Variants in WWTR1 observed in about 807,000 individuals in gnomAD.
WWTR1 encodes the protein WW domain containing transcription regulator 1.
Under a neutral mutation model 40.1 loss-of-function variants are expected in WWTR1, and 13 were observed. The ratio of observed to expected loss-of-function variants is 0.32; its 90% CI spans 0.21 to 0.52. WWTR1 has a LOEUF of 0.52. Among genes scored for constraint, WWTR1 ranks in the 20% least tolerant of loss-of-function variants. WWTR1 has a pLI of 0.97. For synonymous variants in WWTR1, 230 were observed against 210.1 expected, an observed-to-expected ratio of 1.09 and a Z score of -0.82; for missense variants, 436 against 523.1, an observed-to-expected ratio of 0.83 and a Z score of 1.63.
intron 1 of WWTR1, among the ~76,000 whole-genome samples, chr3:149,677,145 A>G (rs1714291632): frequency 6.6e-6 from 1 of 151,912 alleles, no homozygotes; most frequent in Non-Finnish European, 1.5e-5. Flanking sequence ...TGAACTCCTT[A>G]CCTCAGGTCA....
intron 4 of WWTR1, among the ~76,000 whole-genome samples, chr3:149,530,196 T>A (rs9289791): frequency 0.78 from 119,037 of 151,702 alleles, 46,850 homozygotes; most frequent in East Asian, 0.93. Flanking sequence ...AAATACAAAA[T>A]ATTAGCCGGG....
chr3:149,583,760 A>G (rs1738274873), intron 2 of WWTR1, among the ~76,000 whole-genome samples: 1 of 152,184 alleles, frequency 6.6e-6, no homozygotes, highest in Non-Finnish European at 1.5e-5. Context: ...GCATACGGTG[A>G]TGAGTGCCTG....
At chr3:149,619,583 A>ACTG (rs1740172223) in intron 2 of WWTR1, among the ~76,000 whole-genome samples, 1 of 152,166 alleles carries the variant, frequency 6.6e-6, no homozygotes. Context: ...TGATCACACC[A>ACTG]CTGTATTCCA....
chr3:149,666,153 C>G (rs1376032489), intron 2 of WWTR1, among the ~76,000 whole-genome samples: 1 of 152,184 alleles, frequency 6.6e-6, no homozygotes, highest in East Asian at 1.9e-4. Flanking sequence ...AGCCACTGCT[C>G]TTCCTTGTCT....
intron 3 of WWTR1, among the ~76,000 whole-genome samples, chr3:149,563,864 T>C (rs1199199909): frequency 1.3e-5 from 2 of 152,106 alleles, no homozygotes; most frequent in Non-Finnish European, 2.9e-5. Flanking sequence ...CGATTCTCCT[T>C]CCTGAGCCTC....
intron 5 of WWTR1, among the ~76,000 whole-genome samples, chr3:149,527,500 T>G (rs1257325786): frequency 6.6e-6 from 1 of 152,162 alleles, no homozygotes; most frequent in East Asian, 1.9e-4. Flanking sequence ...CATGCTTTTA[T>G]CCCCTGTTGG....
rs75087726 is a variant in WWTR1 at position 149,524,880 on chromosome 3, T to C, written c.1018+1133A>G. 8.8e-3 allele frequency among the ~76,000 whole-genome samples: 1,336 copies of C among 152,342 alleles called. 17 individuals carry two copies. Among genetic ancestry groups the C allele is most frequent in the African/African-American group, 0.03 (1,257 of 41,576 alleles). Reference sequence around the variant, plus strand: ...ACAAAACAATTACTTTCGTCAATGATAATGGAGAAGGAACTTTCATGAATA... The same window carrying C: ...ACAAAACAATTACTTTCGTCAATGACAATGGAGAAGGAACTTTCATGAATA... On this transcript the variant is annotated intron_variant, in intron 6 of 6. Coordinates refer to ENST00000360632, the MANE Select transcript of WWTR1 (RefSeq NM_015472.6).
chr3:149,530,117 G>C (rs1735496519), intron 4 of WWTR1, among the ~76,000 whole-genome samples: 1 of 152,098 alleles, frequency 6.6e-6, no homozygotes, highest in Admixed American at 6.6e-5. Flanking sequence ...GGAGGCTGAG[G>C]CGGGTGGATC....
intron 3 of WWTR1, among the ~76,000 whole-genome samples, chr3:149,568,549 A>C (rs11918403): frequency 0.025 from 1,950 of 76,758 alleles, 31 homozygotes; most frequent in African/African-American, 0.039. Flanking sequence ...AAAAAAAAAA[A>C]AAAAAAAAAA....
At chr3:149,563,957 T>C (rs932356493) in intron 3 of WWTR1, among the ~76,000 whole-genome samples, 2 of 152,200 alleles carry the variant, frequency 1.3e-5, no homozygotes, top group Admixed American at 6.5e-5. Context: ...TTTCGCCATG[T>C]TGGCCAGGCT....
intron 4 of WWTR1, among the ~76,000 whole-genome samples, chr3:149,537,827 C>T (rs1386278885): frequency 1.3e-5 from 2 of 152,202 alleles, no homozygotes; most frequent in South Asian, 2.1e-4. Flanking sequence ...TGGAATCATA[C>T]AGGATGTAGT....
At chr3:149,712,422 T>C (rs375377051) in intron 5 of WWTR1, among the ~76,000 whole-genome samples, 3 of 152,246 alleles carry the variant, frequency 2.0e-5, no homozygotes, top group Admixed American at 1.3e-4. Flanking sequence ...ATTTTTTCTA[T>C]AGCTGTGGCT....
At chr3:149,540,259 C>T (rs1447098520) in intron 4 of WWTR1, 1 of 456,560 alleles carries the variant, frequency 2.2e-6, no homozygotes, top group Non-Finnish European at 4.4e-6. Flanking sequence ...CTCCAAGGAT[C>T]AGCATTTAAG....
intron 4 of WWTR1, among the ~76,000 whole-genome samples, chr3:149,535,849 C>T (rs1735807536): frequency 6.6e-6 from 1 of 152,074 alleles, no homozygotes; most frequent in Non-Finnish European, 1.5e-5. Flanking sequence ...CCCGTCTCTA[C>T]TAAAACACAA....
intron 2 of WWTR1, among the ~76,000 whole-genome samples, chr3:149,631,248 C>G (rs1449982924): frequency 6.6e-6 from 1 of 152,206 alleles, no homozygotes; most frequent in Non-Finnish European, 1.5e-5. Flanking sequence ...TCCATTCTCT[C>G]AAAAGATCCA....
intron 1 of WWTR1, among the ~76,000 whole-genome samples, chr3:149,676,371 A>G (rs537628073): frequency 6.1e-4 from 93 of 152,320 alleles, no homozygotes; most frequent in African/African-American, 2.1e-3. Flanking sequence ...GGGAGTCCTC[A>G]TCATCTCTTC....
chr3:149,577,677 C>T (rs533940596), intron 2 of WWTR1, among the ~76,000 whole-genome samples: 6 of 152,286 alleles, frequency 3.9e-5, no homozygotes, highest in South Asian at 4.1e-4. Context: ...AAAACCATGT[C>T]GTGTGAAATC....
chr3:149,575,480 T>C (rs940920024), intron 2 of WWTR1, among the ~76,000 whole-genome samples: 7 of 152,182 alleles, frequency 4.6e-5, no homozygotes, highest in Admixed American at 2.6e-4. Context: ...AAAGAATCCT[T>C]CTCTCTTTCA....
intron 3 of WWTR1, among the ~76,000 whole-genome samples, chr3:149,545,651 A>G (rs1378408875): frequency 6.6e-6 from 1 of 152,064 alleles, no homozygotes; most frequent in African/African-American, 2.4e-5. Flanking sequence ...CCTCCCGAGT[A>G]GCTAGGATTA....
Sources: allele counts gnomAD v4.1 joint callset (sites outside exome capture counted in the v4.1 genomes callset), GRCh38; gene constraint gnomAD v4.1.1; transcripts MANE v1.5; gene names NCBI Gene and HGNC (gene_info 2026-07-23, HGNC 2026-07-21).